PLCH2: variants seen among roughly 807,000 people sequenced by gnomAD.
The protein encoded by PLCH2 is phospholipase C eta 2.
A neutral mutation model predicts 134.7 loss-of-function variants in PLCH2; 98 were observed. The observed-to-expected ratio is 0.73, with a 90% CI of 0.62 to 0.86. The LOEUF (loss-of-function observed/expected upper bound fraction) is 0.86. Ranked by LOEUF, PLCH2 falls within the 40% of genes least tolerant of loss-of-function variation. The pLI, the probability that PLCH2 is intolerant of heterozygous loss-of-function variation, is 0.00. For synonymous variants in PLCH2, 974 were observed against 827.5 expected (o/e 1.18, Z -3.04); for missense variants, 1,994 against 1,986.6 (o/e 1.00, Z -0.07).
In PLCH2 at chr1:2,454,748, C is replaced by T. The variant is rs996336384; in HGVS notation, c.116-23728C>T. On this transcript the variant is annotated intron_variant, in intron 2 of 3. Transcript: ENST00000609981. ...CTTCCCTGAGAGCAGCGCCCTGGCT[C>T]GGCCCCTCGGTGTCCTGGCCCTTGC... is the stretch of plus-strand genomic sequence containing the variant. Among the ~76,000 whole-genome samples the T allele has an allele frequency of 2.5e-4, 38 of 152,186 alleles. 1 individual carries two copies. The highest frequency in any genetic ancestry group is 7.2e-5 in the African/African-American group (3 of 41,442).
intron 2 of PLCH2, among the ~76,000 whole-genome samples, chr1:2,446,608 G>C (rs1236869722): frequency 6.6e-6 from 1 of 152,240 alleles, no homozygotes; most frequent in Non-Finnish European, 1.5e-5. Context: ...AGATGTCTCC[G>C]GCGGCAGCAG....
chr1:2,491,367 C>T lies in PLCH2; in HGVS notation c.1659+32C>T, dbSNP rs558588712. On this transcript the variant is annotated intron_variant, in intron 11 of 21. Coordinates refer to ENST00000378486, the MANE Select transcript of PLCH2 (RefSeq NM_014638.4). ...GCCAAAAAGGTGACACCCCTGATGC[C>T]GACAGGCCCCCCCGACAGCCAGCCT... 43 of 1,599,010 alleles carry T rather than the reference C, an allele frequency of 2.7e-5. No homozygotes were observed. The East Asian group carries it at 3.6e-4, about 13-fold the overall frequency.
rs144468177 is a variant in PLCH2 at position 2,481,013 on chromosome 1, C to T, written c.645+701C>T. Reference sequence around the variant, plus strand: ...CTGGGGTCTCTGACACGCACATACACGCACACACACGCACACGCATGCACG... The same window carrying T: ...CTGGGGTCTCTGACACGCACATACATGCACACACACGCACACGCATGCACG... On this transcript the variant is annotated intron_variant, in intron 4 of 21. Transcript: ENST00000378486. Among the ~76,000 whole-genome samples the T allele has an allele frequency of 1.9e-3, 282 of 152,374 alleles. 3 individuals are homozygous for T. The highest frequency in any genetic ancestry group is 5.7e-3 in the Admixed American group (88 of 15,310).
chr1:2,431,044 G>A (rs1055213426), intron 2 of PLCH2, among the ~76,000 whole-genome samples: 1 of 152,222 alleles, frequency 6.6e-6, no homozygotes, highest in Non-Finnish European at 1.5e-5. Context: ...GGGGTCTAGT[G>A]TGGAGACTTT....
chr1:2,416,176 G>A, the PLCH2 span, among the ~76,000 whole-genome samples: 24 of 152,354 alleles, frequency 1.6e-4, 1 homozygote, highest in South Asian at 2.5e-3. Context: ...CCCAGCGGTC[G>A]CTCAGGACCC....
Position 2,497,501 on chromosome 1 carries a change from G to C in PLCH2, c.2117-1G>C. ...AGGGCAGCCTTGTGTCACCCTCGCA[G>C]TTGCCCTGAACTACCAGTCAGAGGG... On this transcript the variant is annotated splice_acceptor_variant, in intron 15 of 21. Coordinates refer to ENST00000378486, the MANE Select transcript of PLCH2 (RefSeq NM_014638.4). LOFTEE classifies it high-confidence loss of function. The C allele has an allele frequency of 9.0e-6, 14 of 1,551,518 alleles. No homozygotes were observed. Among genetic ancestry groups the C allele is most frequent in the Non-Finnish European group, 1.2e-5 (14 of 1,147,132 alleles).
chr1:2,416,196 C>T, the PLCH2 span, among the ~76,000 whole-genome samples: 5 of 152,230 alleles, frequency 3.3e-5, no homozygotes. Flanking sequence ...CCGAGGAGGG[C>T]AGGGTGGGCC....
intron 19 of PLCH2, 68 bp downstream of exon 19, chr1:2,499,298 C>G: frequency 1.3e-6 from 2 of 1,560,166 alleles, no homozygotes; most frequent in Non-Finnish European, 1.7e-6. Flanking sequence ...GGTACTCTTT[C>G]CCCTGTGAGT....
At chr1:2,503,658 C>T in intron 21 of PLCH2, 1 of 692,404 alleles carries the variant, frequency 1.4e-6, no homozygotes, top group African/African-American at 1.8e-5. Context: ...CGGGGCCCAG[C>T]CCCGGTGTCC....
intron 21 of PLCH2, chr1:2,503,712 C>T (rs530498360): frequency 1.8e-4 from 115 of 631,420 alleles, no homozygotes; most frequent in East Asian, 1.3e-3. Context: ...CGGCACAGGG[C>T]GTGGACTGGG....
In PLCH2 at chr1:2,491,330, C is replaced by T. The variant is rs375459857; in HGVS notation, c.1654C>T (p.Arg552Cys). 31 of 1,612,468 alleles carry T rather than the reference C, an allele frequency of 1.9e-5. No homozygotes were observed. Among genetic ancestry groups the T allele is most frequent in the Middle Eastern group, 1.7e-4 (1 of 6,036 alleles). The change falls in exon 11 of 22, where the codon CGC becomes TGC. Residue 552 changes from arginine (R) to cysteine (C), a missense_variant. By Grantham distance (180) the Arg-to-Cys change is radical (BLOSUM62 -3). This residue lies in a region of PLCH2 where 1,094 missense variants were observed against 1,234.3 expected (regional missense o/e 0.89). Transcript: ENST00000378486. Reference protein sequence around the residue: ...STLSPSGKLGRKSKAEEDVES... With the variant: ...STLSPSGKLGCKSKAEEDVES... ...ACTGTCCCCATCTGGAAAGCTCGGA[C>T]GCAAGGTAGAGGCCAAAAAGGTGAC...
At chr1:2,495,358 G>A (rs1435411989) in intron 12 of PLCH2, 130 bp from the exon 13 acceptor site, 2 of 709,504 alleles carry the variant, frequency 2.8e-6, no homozygotes, top group African/African-American at 1.8e-5. Context: ...CCAGCCAGGC[G>A]GGATGGACAT....
chr1:2,424,799 A>G (rs1028261854), upstream of PLCH2, among the ~76,000 whole-genome samples: 1 of 152,344 alleles, frequency 6.6e-6, no homozygotes, highest in East Asian at 1.9e-4. Context: ...CATCCTGGCT[A>G]ACACAGTGAA....
At position 2,444,189 on chromosome 1, in the gene PLCH2, G is replaced by A. The variant is rs1268096611; in HGVS notation, c.115+13560G>A. 6.6e-6 allele frequency among the ~76,000 whole-genome samples: 1 copy of A among 152,206 alleles called. No individual in the cohort carries two copies. Among genetic ancestry groups the A allele is most frequent in the Admixed American group, 6.5e-5 (1 of 15,284 alleles). On this transcript the variant is annotated intron_variant, in intron 2 of 3. Transcript: ENST00000609981. The surrounding 1 kb of genome is among the most constrained non-coding windows in gnomAD (Gnocchi z 4.6). ...GAGCTCTCCGGATGGCCTCAGGTGC[G>A]GGGTGAGGGATCTGGGGGCCGCCCC...
the PLCH2 span, among the ~76,000 whole-genome samples, chr1:2,419,181 C>T: frequency 2.6e-5 from 4 of 152,198 alleles, no homozygotes; most frequent in African/African-American, 7.2e-5. Flanking sequence ...TTCCCACCTG[C>T]GGTCATCTGT....
At chr1:2,440,132 G>A (rs1289165146) in intron 2 of PLCH2, among the ~76,000 whole-genome samples, 1 of 152,186 alleles carries the variant, frequency 6.6e-6, no homozygotes, top group Non-Finnish European at 1.5e-5. Flanking sequence ...GTGCCAGGCT[G>A]AGGGGTCCGA....
At chr1:2,449,138 A>AC (rs1162605399) in intron 2 of PLCH2, among the ~76,000 whole-genome samples, 4 of 80,862 alleles carry the variant, frequency 4.9e-5, no homozygotes, top group Admixed American at 1.3e-4. Context: ...CAGCACCCCC[A>AC]CCCCCCGCCC....
intron 2 of PLCH2, among the ~76,000 whole-genome samples, chr1:2,441,593 T>G (rs1639695652): frequency 6.6e-6 from 1 of 152,182 alleles, no homozygotes. Flanking sequence ...GGTTTCCTCC[T>G]GGGAAGGAGA....
chr1:2,471,409 C>T (rs1641319803), upstream of PLCH2, among the ~76,000 whole-genome samples: 1 of 152,236 alleles, frequency 6.6e-6, no homozygotes, highest in Non-Finnish European at 1.5e-5. Flanking sequence ...CCATCCTGTC[C>T]ACTTGCCACT....
Sources: gnomAD v4.1 joint callset for allele counts (sites outside exome capture counted in the v4.1 genomes callset) on GRCh38, gnomAD v4.1.1 for gene constraint, gnomAD v4.1.1 regional missense constraint, Gnocchi (gnomAD v3.1) non-coding constraint, MANE v1.5 for transcripts, NCBI Gene and HGNC (gene_info 2026-07-23, HGNC 2026-07-21) for gene names.